Variants in RBM4B observed in about 807,000 individuals in gnomAD.
RBM4B encodes RNA-binding protein 4B.
A neutral mutation model predicts 28.5 loss-of-function variants in RBM4B; 13 were observed. That is an observed-to-expected ratio of 0.46 (90% CI 0.30 to 0.72). RBM4B has a LOEUF of 0.72. Ranked by LOEUF, RBM4B falls within the 30% of genes least tolerant of loss-of-function variation. The probability of loss-of-function intolerance (pLI) is 0.09; values close to 1 mark genes in which losing one functional copy is unlikely to be tolerated. For missense variants in RBM4B, 387 were observed against 477.6 expected (o/e 0.81, Z 1.77); for synonymous variants, 167 against 179.1 (o/e 0.93, Z 0.54).
At chr11:66,667,081 CAT>C (rs1669368337) in intron 3 of RBM4B, 2 of 152,020 alleles carry the variant, frequency 1.3e-5, no homozygotes, top group Admixed American at 1.3e-4. Context: ...TTATCTTCTA[CAT>C]ATATACCAAA....
At chr11:66,677,200 G>A (rs574709328) in intron 1 of RBM4B, 109 bp from the exon 2 acceptor site, 403 of 1,299,944 alleles carry the variant, frequency 3.1e-4, no homozygotes, top group Admixed American at 4.3e-4. Flanking sequence ...CAAGACCCTC[G>A]TACAGACATT....
chr11:66,677,196 C>T (rs1939666596), intron 1 of RBM4B, 105 bp from the exon 2 acceptor site: 1 of 1,331,330 alleles, frequency 7.5e-7, no homozygotes, highest in Admixed American at 2.3e-5. Context: ...CCTTCAAGAC[C>T]CTCGTACAGA....
intron 2 of RBM4B, 111 bp from the exon 3 acceptor site, chr11:66,669,402 C>T: frequency 2.0e-6 from 2 of 1,022,452 alleles, no homozygotes; most frequent in South Asian, 1.6e-5. Flanking sequence ...ACGCACACAC[C>T]TGTGACCCTA....
rs1397477944 is a variant in RBM4B at position 66,669,091 on chromosome 11, A to G, written c.613T>C (p.Tyr205His). The change falls in exon 3 of 4, where the codon TAC becomes CAC. Residue 205 changes from tyrosine (Y) to histidine (H), a missense_variant. Tyr to His is a moderately conservative substitution (Grantham distance 83). Around this residue, in one of 2 missense-constraint regions of RBM4B, gnomAD observed 226 missense variants for 220.6 expected, o/e 1.02. Coordinates refer to ENST00000310046, the MANE Select transcript of RBM4B (RefSeq NM_031492.4). ...GAVRTPYTMG[Y>H]GESMYYNDAY... The stretch of plus-strand genomic sequence containing the variant: ...TCGTTGTAATACATGGATTCCCCGT[A>G]GCCCATGGTGTAAGGTGTTCGAACT... The G allele has an allele frequency of 1.2e-6, 2 of 1,614,176 alleles. No homozygotes were observed. The highest frequency in any genetic ancestry group is 1.7e-5 in the Admixed American group (1 of 60,012).
Position 66,665,240 on chromosome 11 carries a change from A to C in RBM4B, c.*348T>G. On this transcript the variant is annotated 3_prime_UTR_variant, in exon 4 of 4. Coordinates refer to ENST00000310046, the MANE Select transcript of RBM4B (RefSeq NM_031492.4). ...CACTACATGGTCATTTTAAAGGGAA[A>C]GGAGATGCTGCAGGTAGGCAGGGAG... 1 of 318,444 alleles carries C rather than the reference A, an allele frequency of 3.1e-6. No homozygotes were observed. The highest frequency in any genetic ancestry group is 5.9e-6 in the Non-Finnish European group (1 of 170,110). The allele number at this position is 318,444 out of a possible 1,614,324, so 19.7% of individuals were successfully genotyped here. A position where few individuals can be genotyped will look rare whatever the true frequency, so the allele number is the denominator to read the frequency against.
chr11:66,669,389 T>A, intron 2 of RBM4B, 98 bp from the exon 3 acceptor site: 1 of 1,154,586 alleles, frequency 8.7e-7, no homozygotes, highest in Non-Finnish European at 1.2e-6. Context: ...ATAAGACACA[T>A]AGACGCACAC....
At position 66,676,871 on chromosome 11, in the gene RBM4B, C is replaced by T; in HGVS notation, c.209G>A (p.Ser70Asn). 6.2e-7 allele frequency: 1 copy of T among 1,614,200 alleles called. No homozygotes were observed. Among genetic ancestry groups the T allele is most frequent in the Non-Finnish European group, 8.5e-7 (1 of 1,180,034 alleles). Residue 70 changes from serine to asparagine, a missense_variant, in exon 2 of 4, where the codon AGC becomes AAC. By Grantham distance (46) the Ser-to-Asn change is conservative. This residue lies in a region of RBM4B where 161 missense variants were observed against 256.9 expected (regional missense o/e 0.63). Transcript: ENST00000310046. ...GGTTGAAGCTTTGCTCTTATTCTTG[C>T]TGGCTTCCACGTTGATGTTCACCCC... is the stretch of plus-strand genomic sequence containing the variant. ...LHGVNINVEA[S>N]KNKSKASTKL...
chr11:66,668,340 A>G (rs988942393), intron 3 of RBM4B: 1 of 361,410 alleles, frequency 2.8e-6, no homozygotes, highest in Admixed American at 4.2e-5. Flanking sequence ...CTGTAACCCA[A>G]ATATGCTTAC....
rs537207479 is a variant in RBM4B, at chr11:66,676,930, A to G, written c.150T>C (p.Asp50=). 7 of 1,614,100 alleles carry G rather than the reference A, an allele frequency of 4.3e-6. No individual in the cohort carries two copies. The African/African-American group carries it at 9.3e-5, about 22-fold the overall frequency. The stretch of plus-strand genomic sequence containing the variant: ...TGTAATGGTGCAGGTTGCGTATGGC[A>G]TCCTCAGCTGCCGTCTTGTCTTCTA... The part of the protein sequence containing the change: ...VHIEDKTAAE[D]AIRNLHHYKL... The change falls in exon 2 of 4, where the codon GAT becomes GAC. Residue 50 remains aspartate (D), a synonymous_variant. Transcript: ENST00000310046.
chr11:66,670,420 G>C (rs1280863766), intron 2 of RBM4B, among the ~76,000 whole-genome samples: 5 of 152,026 alleles, frequency 3.3e-5, no homozygotes, highest in Non-Finnish European at 5.9e-5. Context: ...GAAAAATGCA[G>C]CATTTGCCTA....
At chr11:66,668,259 A>G (rs1939319824) in intron 3 of RBM4B, 1 of 184,688 alleles carries the variant, frequency 5.4e-6, no homozygotes, top group Admixed American at 5.3e-5. Flanking sequence ...AAAGAATAAA[A>G]TATTTCAGTC....
chr11:66,677,324 G>A (rs1214681954), intron 1 of RBM4B: 2 of 567,660 alleles, frequency 3.5e-6, no homozygotes, highest in Non-Finnish European at 6.2e-6. Flanking sequence ...TATCATCTCC[G>A]TGAAGTGGAG....
intron 1 of RBM4B, chr11:66,677,377 A>C: frequency 2.1e-6 from 1 of 467,302 alleles, no homozygotes; most frequent in Non-Finnish European, 3.8e-6. Flanking sequence ...TCTTAAAATG[A>C]GGGAAGAGAA....
rs758819749 is a variant in RBM4B, at chr11:66,676,755, T to C, written c.325A>G (p.Ile109Val). ...TGTACGAAGGCATAATCTTTCACGA[T>C]GTCACATTCGATGACCGGACCATAC... ...EEYGPVIECD[I>V]VKDYAFVHME... is the part of the protein sequence containing the mutation. Residue 109 changes from isoleucine to valine, a missense_variant, in exon 2 of 4, where the codon ATC becomes GTC. Transcript: ENST00000310046. The C allele has an allele frequency of 4.3e-6, 7 of 1,614,050 alleles. No homozygotes were observed. The highest frequency in any genetic ancestry group is 5.1e-6 in the Non-Finnish European group (6 of 1,180,018).
At chr11:66,677,496 T>TAAAAAAAA (rs1374075129) in intron 1 of RBM4B, 1 of 173,302 alleles carries the variant, frequency 5.8e-6, no homozygotes, top group Admixed American at 5.9e-5. Context: ...CAAGATACTC[T>TAAAAAAAA]AAAAAGAAAA....
At chr11:66,666,589 T>G in intron 3 of RBM4B, 1 of 224,400 alleles carries the variant, frequency 4.5e-6, no homozygotes, top group Non-Finnish European at 7.5e-6. Context: ...GTCCTAGCAA[T>G]ACCTTTTGAA....
Position 66,665,670 on chromosome 11 carries a change from G to A in RBM4B, c.*10-92C>T, listed in dbSNP as rs1939199013. On this transcript the variant is annotated intron_variant, in intron 3 of 3. Transcript: ENST00000310046. ...CGCCCTGGGTCCTGTCCTGTATTCCGGGGGGAAAAAAAAGAACAAAACAAA... is the reference window on the plus strand; with the variant it reads ...CGCCCTGGGTCCTGTCCTGTATTCCAGGGGGAAAAAAAAGAACAAAACAAA... 11 of 1,496,546 alleles carry A rather than the reference G, an allele frequency of 7.4e-6. No individual in the cohort carries two copies. In the East Asian group the frequency reaches 7.4e-5, roughly 10 times the overall value. 92.7% of individuals were successfully genotyped at this position (1,496,546 alleles called of 1,614,324 possible).
rs776555910 is a variant in RBM4B at position 66,676,947 on chromosome 11, T to C, written c.133A>G (p.Lys45Glu). 1.2e-6 allele frequency: 2 copies of C among 1,614,130 alleles called. No homozygotes were observed. The highest frequency in any genetic ancestry group is 1.7e-5 in the Admixed American group (1 of 60,012). ...KNYGFVHIED[K>E]TAAEDAIRNL... The stretch of plus-strand genomic sequence containing the variant: ...CGTATGGCATCCTCAGCTGCCGTCT[T>C]GTCTTCTATGTGCACAAAGCCGTAA... Residue 45 changes from lysine (K) to glutamate (E), a missense_variant, in exon 2 of 4, where the codon AAG becomes GAG. Coordinates refer to ENST00000310046, the MANE Select transcript of RBM4B (RefSeq NM_031492.4).
intron 2 of RBM4B, among the ~76,000 whole-genome samples, chr11:66,670,011 A>C (rs1939411135): frequency 6.6e-6 from 1 of 152,238 alleles, no homozygotes; most frequent in Non-Finnish European, 1.5e-5. Context: ...CATCTTGCCC[A>C]TCTCTCACTG....
Sources: gnomAD v4.1 joint callset for allele counts (sites outside exome capture counted in the v4.1 genomes callset) on GRCh38, gnomAD v4.1.1 for gene constraint, gnomAD v4.1.1 regional missense constraint, MANE v1.5 for transcripts, NCBI Gene and HGNC (gene_info 2026-07-23, HGNC 2026-07-21) for gene names.